Variants in TENM3 observed in about 807,000 individuals in gnomAD.
The protein encoded by TENM3 is teneurin transmembrane protein 3.
In TENM3, 63 loss-of-function variants were observed where a neutral mutation model predicts 255.1. The ratio of observed to expected loss-of-function variants is 0.25; its 90% confidence interval spans 0.20 to 0.30. The LOEUF is 0.30. Ranked by LOEUF, TENM3 falls within the 10% of genes least tolerant of loss-of-function variation. The probability of loss-of-function intolerance (pLI) is 1.00; values close to 1 mark genes in which losing one functional copy is unlikely to be tolerated. For synonymous variants in TENM3, 1,306 were observed against 1,322.3 expected, an observed-to-expected ratio of 0.99 and a Z score of 0.27; for missense variants, 2,929 against 3,461.1, an observed-to-expected ratio of 0.85 and a Z score of 3.86.
the TENM3 span, among the ~76,000 whole-genome samples, chr4:181,585,603 A>C: frequency 6.6e-6 from 1 of 152,192 alleles, no homozygotes; most frequent in East Asian, 1.9e-4. Context: ...TTTTAAAATT[A>C]TTATTTAAGC....
intron 1 of TENM3, among the ~76,000 whole-genome samples, chr4:182,271,256 C>G (rs1759600959): frequency 6.6e-6 from 1 of 152,138 alleles, no homozygotes. Context: ...CTTGACAGTT[C>G]AAAGCCTAAC....
chr4:181,790,589 A>C, the TENM3 span, among the ~76,000 whole-genome samples: 1 of 152,222 alleles, frequency 6.6e-6, no homozygotes, highest in East Asian at 1.9e-4. Context: ...GAGTGGAAAA[A>C]AACAAAAAAT....
chr4:181,937,886 T>C, the TENM3 span, among the ~76,000 whole-genome samples: 1 of 152,200 alleles, frequency 6.6e-6, no homozygotes, highest in Non-Finnish European at 1.5e-5. Flanking sequence ...GAAGAGACCA[T>C]GACCCCACTT....
At chr4:181,574,590 GAAGT>G in the TENM3 span, among the ~76,000 whole-genome samples, 1 of 151,866 alleles carries the variant, frequency 6.6e-6, no homozygotes, top group Admixed American at 6.6e-5. Flanking sequence ...CATTGATTCA[GAAGT>G]AAGTGAGTTC....
the TENM3 span, among the ~76,000 whole-genome samples, chr4:181,921,214 C>T: frequency 1.8e-4 from 28 of 152,054 alleles, no homozygotes; most frequent in African/African-American, 5.6e-4. Context: ...CTTGGCAGTG[C>T]GGCCTCTTTT....
the TENM3 span, among the ~76,000 whole-genome samples, chr4:181,831,968 T>TTGTGTG: frequency 0.11 from 14,547 of 132,422 alleles, 869 homozygotes; most frequent in Non-Finnish European, 0.12. Context: ...ATATATTACA[T>TTGTGTG]TGTGTGTGTG....
At chr4:181,761,708 T>C in the TENM3 span, among the ~76,000 whole-genome samples, 208 of 152,290 alleles carry the variant, frequency 1.4e-3, 4 homozygotes, top group Middle Eastern at 6.8e-3. Flanking sequence ...TACCAAATGT[T>C]TTCAATTACT....
chr4:181,606,207 G>A, the TENM3 span, among the ~76,000 whole-genome samples: 7 of 152,176 alleles, frequency 4.6e-5, no homozygotes, highest in East Asian at 7.7e-4. Context: ...TCGTGTTTCC[G>A]GTCTTGTCTC....
At chr4:182,586,498 AC>A (rs1484299484) in intron 3 of TENM3, among the ~76,000 whole-genome samples, 1 of 152,208 alleles carries the variant, frequency 6.6e-6, no homozygotes, top group African/African-American at 2.4e-5. Context: ...TGTTGTATAC[AC>A]ACAAAAAACA....
At chr4:182,550,973 C>A (rs1580906238) in intron 3 of TENM3, among the ~76,000 whole-genome samples, 1 of 152,306 alleles carries the variant, frequency 6.6e-6, no homozygotes, top group East Asian at 1.9e-4. Context: ...GTAATCCCAG[C>A]ACTTTGGGAG....
At chr4:182,531,936 C>T (rs1011158699) in intron 3 of TENM3, among the ~76,000 whole-genome samples, 1 of 152,122 alleles carries the variant, frequency 6.6e-6, no homozygotes, top group African/African-American at 2.4e-5. Context: ...ATCTGGGTTC[C>T]CAGACACCAG....
At chr4:181,919,599 A>T in the TENM3 span, among the ~76,000 whole-genome samples, 1 of 152,096 alleles carries the variant, frequency 6.6e-6, no homozygotes, top group East Asian at 1.9e-4. Context: ...AGGTGGCAGG[A>T]GAAGGAAATG....
At chr4:181,694,590 T>C in the TENM3 span, among the ~76,000 whole-genome samples, 4 of 152,198 alleles carry the variant, frequency 2.6e-5, no homozygotes, top group African/African-American at 4.8e-5. Flanking sequence ...GTTAAAATAG[T>C]TATACAGGAC....
intron 1 of TENM3, among the ~76,000 whole-genome samples, chr4:182,211,242 G>A (rs1755019731): frequency 6.6e-6 from 1 of 152,152 alleles, no homozygotes; most frequent in South Asian, 2.1e-4. Context: ...GCTCTTTCTT[G>A]TTCACGAGAA....
the TENM3 span, among the ~76,000 whole-genome samples, chr4:181,472,480 C>A: frequency 0.24 from 34,532 of 144,640 alleles, 4,072 homozygotes; most frequent in South Asian, 0.28. Flanking sequence ...GGCCCCCTGC[C>A]ATAATGCCTG....
the TENM3 span, among the ~76,000 whole-genome samples, chr4:181,623,305 A>G: frequency 4.6e-5 from 7 of 152,220 alleles, no homozygotes; most frequent in Non-Finnish European, 2.9e-5. Flanking sequence ...TAAGTGAATT[A>G]CTACGTGTAA....
chr4:181,473,550 C>A, the TENM3 span, among the ~76,000 whole-genome samples: 2 of 151,912 alleles, frequency 1.3e-5, no homozygotes, highest in African/African-American at 2.4e-5. Flanking sequence ...TAATGATTGT[C>A]CCCTACACTC....
chr4:182,640,719 C>T (rs1752230348), intron 5 of TENM3, among the ~76,000 whole-genome samples: 1 of 152,156 alleles, frequency 6.6e-6, no homozygotes, highest in African/African-American at 2.4e-5. Context: ...GCAAGTCTCC[C>T]AGGGATCAGA....
At chr4:182,443,638 T>A (rs1465453043) in intron 3 of TENM3, among the ~76,000 whole-genome samples, 2 of 152,126 alleles carry the variant, frequency 1.3e-5, no homozygotes, top group Non-Finnish European at 2.9e-5. Flanking sequence ...ACTTGGATAG[T>A]TGCCAGGACA....
Sources: allele counts gnomAD v4.1 joint callset (sites outside exome capture counted in the v4.1 genomes callset), GRCh38; gene constraint gnomAD v4.1.1; transcripts MANE v1.5; gene names NCBI Gene and HGNC (gene_info 2026-07-23, HGNC 2026-07-21).